The following KCTD15 variants were observed in gnomAD, a reference collection of about 807,000 sequenced individuals.
KCTD15 encodes potassium channel tetramerization domain containing 15.
In KCTD15, 11 loss-of-function variants were observed where a neutral mutation model predicts 27.2. That is an observed-to-expected ratio of 0.41 (90% CI 0.25 to 0.67). KCTD15 has a LOEUF of 0.67. Among genes scored for constraint, KCTD15 ranks in the 30% least tolerant of loss-of-function variants. The pLI is 0.35. For missense variants in KCTD15, 350 were observed against 409.3 expected (o/e 0.86, Z 1.25); for synonymous variants, 163 against 176.0 (o/e 0.93, Z 0.58).
chr19:33,806,826 A>G lies in KCTD15; in HGVS notation c.243-37A>G, dbSNP rs779055648. On this transcript the variant is annotated intron_variant, in intron 4 of 6. Transcript: ENST00000683859. ...TGGGAAGACAGGCAGACTTGTCCCCATCCCTTCAGACATCCCACCTCGCCT... is the reference window on the plus strand; with the variant it reads ...TGGGAAGACAGGCAGACTTGTCCCCGTCCCTTCAGACATCCCACCTCGCCT... The G allele has an allele frequency of 1.3e-5, 21 of 1,605,988 alleles. 1 individual carries two copies. In the Admixed American group the frequency reaches 2.2e-4, roughly 17 times the overall value.
Position 33,813,186 on chromosome 19 carries a change from C to T in KCTD15, c.*238C>T, listed in dbSNP as rs748831700. ...GATACAGCGGTGGGATCTCTGCTGCCAGCTCTCCCAGCCCCTCAGCTTCGC... is the reference window on the plus strand; with the variant it reads ...GATACAGCGGTGGGATCTCTGCTGCTAGCTCTCCCAGCCCCTCAGCTTCGC... On this transcript the variant is annotated 3_prime_UTR_variant, in exon 7 of 7. Coordinates refer to ENST00000683859, the MANE Select transcript of KCTD15 (RefSeq NM_001129994.2). 1 of 621,374 alleles carries T rather than the reference C, an allele frequency of 1.6e-6. No individual in the cohort carries two copies. Among genetic ancestry groups the T allele is most frequent in the Non-Finnish European group, 2.9e-6 (1 of 344,252 alleles). The allele number at this position is 621,374 out of a possible 1,614,324, so 38.5% of individuals were successfully genotyped here.
rs201514267 is a variant in KCTD15, at chr19:33,801,389, G to A, written c.242+47G>A. The A allele has an allele frequency of 2.5e-3, 3,761 of 1,519,276 alleles. 8 individuals are homozygous for A. The highest frequency in any genetic ancestry group is 3.1e-3 in the Non-Finnish European group (3,501 of 1,124,406). 94.1% of individuals were successfully genotyped at this position (1,519,276 alleles called of 1,614,324 possible). A position where few individuals can be genotyped will look rare whatever the true frequency, so the allele number is the denominator to read the frequency against. On this transcript the variant is annotated intron_variant, in intron 4 of 6. Coordinates refer to ENST00000683859, the MANE Select transcript of KCTD15 (RefSeq NM_001129994.2). ...CATCAGGCATGTGTGGGTCAGGGCA[G>A]CATCTGTAATCTGCTGCCTAGGGGG...
chr19:33,795,761 T>C (rs285677), upstream of KCTD15, among the ~76,000 whole-genome samples: 99,277 of 151,858 alleles, frequency 0.65, 33,085 homozygotes, highest in African/African-American at 0.72. Context: ...GGGAGGGGCG[T>C]CCGGGGCGCG....
At position 33,813,575 on chromosome 19, in the gene KCTD15, G is replaced by T. The variant is rs1039083697; in HGVS notation, c.*627G>T. The stretch of plus-strand genomic sequence containing the variant: ...CTGCAGGGCTGCTGGGAGGAGAGTG[G>T]TGGGGGCCTGAGGGCTGAGTGATTC... On this transcript the variant is annotated 3_prime_UTR_variant, in exon 7 of 7. Transcript: ENST00000683859. 1.4e-5 allele frequency: 5 copies of T among 357,088 alleles called. No individual in the cohort carries two copies. Among genetic ancestry groups the T allele is most frequent in the Non-Finnish European group, 2.2e-5 (4 of 181,696 alleles). 22.1% of individuals were successfully genotyped at this position (357,088 alleles called of 1,614,324 possible). A position where few individuals can be genotyped will look rare whatever the true frequency, so the allele number is the denominator to read the frequency against.
At chr19:33,811,082 T>C (rs1396523528) in intron 5 of KCTD15, among the ~76,000 whole-genome samples, 165 bp from the exon 6 acceptor site, 1 of 152,092 alleles carries the variant, frequency 6.6e-6, no homozygotes, top group Non-Finnish European at 1.5e-5. Flanking sequence ...AACCACTCAG[T>C]TGCCCCATCT....
chr19:33,811,478 G>A lies in KCTD15; in HGVS notation c.619G>A (p.Ala207Thr). 1 of 1,612,844 alleles carries A rather than the reference G, an allele frequency of 6.2e-7. No homozygotes were observed. Among genetic ancestry groups the A allele is most frequent in the Non-Finnish European group, 8.5e-7 (1 of 1,179,766 alleles). Residue 207 changes from alanine (A) to threonine (T), a missense_variant, in exon 6 of 7, where the codon GCC (alanine) becomes ACC (threonine). By Grantham distance (58) the Ala-to-Thr change is moderately conservative. Coordinates refer to ENST00000683859, the MANE Select transcript of KCTD15 (RefSeq NM_001129994.2). ...AGACGTCATGTGCAACTCCGTCAAC[G>A]CCGGCTGGAACCAGGACCCCACGCA... ...TGDVMCNSVN[A>T]GWNQDPTHVI...
chr19:33,797,829 T>A (rs1222215746), intron 1 of KCTD15, among the ~76,000 whole-genome samples: 2 of 152,228 alleles, frequency 1.3e-5, no homozygotes, highest in Admixed American at 1.3e-4. Context: ...AATTTTTTTT[T>A]AATCCCGGCA....
At position 33,811,500 on chromosome 19, in the gene KCTD15, C is replaced by A. The variant is rs1057157927; in HGVS notation, c.641C>A (p.Thr214Lys). ...AACGCCGGCTGGAACCAGGACCCCA[C>A]GCACGTCATCCGCTTCCCGCTCAAT... ...SVNAGWNQDP[T>K]HVIRFPLNGY... The change falls in exon 6 of 7, where the codon ACG becomes AAG. Residue 214 changes from threonine (T) to lysine (K), a missense_variant. Coordinates refer to ENST00000683859, the MANE Select transcript of KCTD15 (RefSeq NM_001129994.2). 33 of 1,611,488 alleles carry A rather than the reference C, an allele frequency of 2.0e-5. No homozygotes were observed. Among genetic ancestry groups the A allele is most frequent in the Non-Finnish European group, 2.8e-5 (33 of 1,178,690 alleles).
chr19:33,800,294 C>A, intron 2 of KCTD15, 134 bp from the exon 3 acceptor site: 1 of 685,494 alleles, frequency 1.5e-6, no homozygotes, highest in South Asian at 1.7e-5. Flanking sequence ...GCGGTGGAGT[C>A]AATCAGGGAG....
chr19:33,797,274 G>T, intron 1 of KCTD15: 1 of 258,514 alleles, frequency 3.9e-6, no homozygotes. Context: ...GTGTGTGTGT[G>T]TGTGTGTGTG....
Position 33,813,133 on chromosome 19 carries a change from T to TG in KCTD15, c.*186dup. The TG allele has an allele frequency of 1.5e-6, 1 of 647,786 alleles. No homozygotes were observed. The highest frequency in any genetic ancestry group is 2.7e-6 in the Non-Finnish European group (1 of 367,362). 40.1% of individuals were successfully genotyped at this position (647,786 alleles called of 1,614,324 possible). On this transcript the variant is annotated 3_prime_UTR_variant, in exon 7 of 7. Transcript: ENST00000683859. Reference sequence around the variant, plus strand: ...GAACGTGGGATGCTGGAGGCATGCCTGCAGAAGGACTGTTGATGCGACCCA... The same window carrying TG: ...GAACGTGGGATGCTGGAGGCATGCCTGGCAGAAGGACTGTTGATGCGACCCA...
intron 4 of KCTD15, 112 bp from the exon 5 acceptor site, chr19:33,806,751 G>A: frequency 3.2e-6 from 4 of 1,233,138 alleles, no homozygotes; most frequent in Non-Finnish European, 4.6e-6. Flanking sequence ...ACCCATGTCA[G>A]GTCCCTCGCC....
chr19:33,815,197 A>G lies in KCTD15; in HGVS notation c.*2249A>G, dbSNP rs1976055897. Reference sequence around the variant, plus strand: ...GATTGTGCTAAAAATAAAATTTATTAATAAAGAAGGGGAAAAAGGAGTAAC... The same window carrying G: ...GATTGTGCTAAAAATAAAATTTATTGATAAAGAAGGGGAAAAAGGAGTAAC... On this transcript the variant is annotated 3_prime_UTR_variant, in exon 7 of 7. Coordinates refer to ENST00000683859, the MANE Select transcript of KCTD15 (RefSeq NM_001129994.2). 1 of 152,220 alleles carries G rather than the reference A, an allele frequency of 6.6e-6. No homozygotes were observed. The highest frequency in any genetic ancestry group is 2.1e-4 in the South Asian group (1 of 4,834). The allele number at this position is 152,220 out of a possible 1,614,324, so 9.4% of individuals were successfully genotyped here.
chr19:33,811,189 CT>C, intron 5 of KCTD15, 57 bp from the exon 6 acceptor site: 4 of 1,127,298 alleles, frequency 3.5e-6, no homozygotes, highest in Admixed American at 2.7e-5. Context: ...CCCTCTCCCC[CT>C]TCCCCCACCA....
At chr19:33,802,850 A>G (rs549013298) in intron 4 of KCTD15, among the ~76,000 whole-genome samples, 34 of 152,374 alleles carry the variant, frequency 2.2e-4, no homozygotes, top group African/African-American at 7.2e-4. Flanking sequence ...TCCTGAAATC[A>G]GAGAGTTGCC....
upstream of KCTD15, chr19:33,796,577 G>A (rs1393893550): frequency 1.3e-5 from 2 of 151,466 alleles, no homozygotes; most frequent in Non-Finnish European, 2.9e-5. Context: ...GCCGCGGCGA[G>A]GCGCTGGCTA....
At chr19:33,797,270 G>T (rs1012637111) in intron 1 of KCTD15, 1 of 309,410 alleles carries the variant, frequency 3.2e-6, no homozygotes, top group East Asian at 8.2e-5. Context: ...GTGTGTGTGT[G>T]TGTGTGTGTG....
intron 6 of KCTD15, chr19:33,812,145 T>C: frequency 8.2e-7 from 1 of 1,215,260 alleles, no homozygotes; most frequent in Non-Finnish European, 1.0e-6. Flanking sequence ...GTGCACGCAT[T>C]CCACAGCCTG....
At position 33,811,643 on chromosome 19, in the gene KCTD15, C is replaced by T. The variant is rs753829701; in HGVS notation, c.693+91C>T. ...AGTGAGCTGGAGGGAGGCGCGATCCCTGAAACGGTGAAGCCCCCCGTGCCA... is the reference window on the plus strand; with the variant it reads ...AGTGAGCTGGAGGGAGGCGCGATCCTTGAAACGGTGAAGCCCCCCGTGCCA... On this transcript the variant is annotated intron_variant, in intron 6 of 6. Coordinates refer to ENST00000683859, the MANE Select transcript of KCTD15 (RefSeq NM_001129994.2). The T allele has an allele frequency of 5.2e-6, 8 of 1,526,264 alleles. No individual in the cohort carries two copies. In the South Asian group the frequency reaches 1.0e-4, roughly 19 times the overall value. The allele number at this position is 1,526,264 out of a possible 1,614,324, so 94.5% of individuals were successfully genotyped here.
Sources: allele counts gnomAD v4.1 joint callset (sites outside exome capture counted in the v4.1 genomes callset), GRCh38; gene constraint gnomAD v4.1.1; transcripts MANE v1.5; gene names NCBI Gene and HGNC (gene_info 2026-07-23, HGNC 2026-07-21).